Variants in LTBP1 observed in about 807,000 individuals in gnomAD.
LTBP1 encodes latent transforming growth factor beta binding protein 1, also known as latent-transforming growth factor beta-binding protein 1.
LTBP1 carries 129 observed loss-of-function variants against 207.6 expected under a neutral mutation model. The ratio of observed to expected loss-of-function variants is 0.62; its 90% CI spans 0.54 to 0.72. The LOEUF (loss-of-function observed/expected upper bound fraction) is 0.72. LTBP1 is among the 30% of genes least tolerant of loss of function. The pLI, the probability that LTBP1 is intolerant of heterozygous loss-of-function variation, is 0.00. For synonymous variants in LTBP1, 963 were observed against 833.7 expected, an observed-to-expected ratio of 1.16 and a Z score of -2.67; for missense variants, 2,281 against 2,217.2, an observed-to-expected ratio of 1.03 and a Z score of -0.58.
intron 3 of LTBP1, among the ~76,000 whole-genome samples, chr2:33,025,399 C>G (rs2075368747): frequency 6.6e-6 from 1 of 152,116 alleles, no homozygotes; most frequent in African/African-American, 2.4e-5. Context: ...AACCAAGCTA[C>G]TGACTAAGAT....
chr2:33,061,156 G>A (rs1286324350), intron 3 of LTBP1, among the ~76,000 whole-genome samples: 1 of 151,996 alleles, frequency 6.6e-6, no homozygotes, highest in Non-Finnish European at 1.5e-5. Flanking sequence ...AATATGGTGG[G>A]TTTTAAAAAT....
intron 4 of LTBP1, among the ~76,000 whole-genome samples, chr2:33,133,862 C>T (rs942435647): frequency 6.6e-6 from 1 of 152,176 alleles, no homozygotes; most frequent in Non-Finnish European, 1.5e-5. Flanking sequence ...AATGGCATGT[C>T]CGGAGTCACA....
intron 20 of LTBP1, among the ~76,000 whole-genome samples, chr2:33,298,537 G>T (rs760644527): frequency 1.3e-5 from 2 of 152,218 alleles, no homozygotes; most frequent in Admixed American, 6.5e-5. Context: ...TTGGTCTTCA[G>T]TTCGTGAACT....
At chr2:33,382,877 T>G (rs2095231971) in intron 31 of LTBP1, among the ~76,000 whole-genome samples, 1 of 152,158 alleles carries the variant, frequency 6.6e-6, no homozygotes, top group African/African-American at 2.4e-5. Flanking sequence ...CCAGAGACTG[T>G]AAGCAGTAAT....
At chr2:33,320,770 A>G (rs756030157) in intron 24 of LTBP1, among the ~76,000 whole-genome samples, 2 of 152,222 alleles carry the variant, frequency 1.3e-5, no homozygotes, top group African/African-American at 2.4e-5. Context: ...TTTGGATGAT[A>G]ATGATGTAAG....
At chr2:33,231,155 A>G (rs1254306427) in intron 9 of LTBP1, among the ~76,000 whole-genome samples, 1 of 152,170 alleles carries the variant, frequency 6.6e-6, no homozygotes, top group Non-Finnish European at 1.5e-5. Context: ...GCAGGATGCA[A>G]TGTGCTTTAT....
At chr2:33,144,578 A>G (rs549919303) in intron 5 of LTBP1, among the ~76,000 whole-genome samples, 3 of 152,356 alleles carry the variant, frequency 2.0e-5, no homozygotes, top group Admixed American at 1.3e-4. Flanking sequence ...ATGTATGATT[A>G]TAACATTTGA....
chr2:33,195,028 T>C (rs1573099390), intron 7 of LTBP1, among the ~76,000 whole-genome samples: 1 of 152,360 alleles, frequency 6.6e-6, no homozygotes, highest in African/African-American at 2.4e-5. Context: ...CCGAAGGTTT[T>C]AAGACCACTA....
intron 31 of LTBP1, among the ~76,000 whole-genome samples, chr2:33,371,056 A>G (rs144261993): frequency 1.3e-5 from 2 of 152,286 alleles, no homozygotes; most frequent in East Asian, 3.9e-4. Flanking sequence ...CATCTTGCAT[A>G]TTGGTACCAC....
intron 25 of LTBP1, among the ~76,000 whole-genome samples, chr2:33,346,934 G>A (rs906413252): frequency 3.3e-5 from 5 of 152,000 alleles, no homozygotes; most frequent in African/African-American, 1.2e-4. Flanking sequence ...GCCTAACACG[G>A]TGGAACCCCG....
chr2:32,991,605 T>C (rs554655783), intron 2 of LTBP1, among the ~76,000 whole-genome samples: 2 of 152,328 alleles, frequency 1.3e-5, no homozygotes, highest in African/African-American at 4.8e-5. Context: ...TTAAGTGACA[T>C]GGGTAAAGTT....
chr2:33,260,550 G>C (rs114687479), intron 13 of LTBP1, among the ~76,000 whole-genome samples: 434 of 152,132 alleles, frequency 2.9e-3, no homozygotes, highest in African/African-American at 9.5e-3. Flanking sequence ...TATAATTATG[G>C]GATAGAGTAA....
intron 10 of LTBP1, among the ~76,000 whole-genome samples, chr2:33,251,236 A>T (rs1196506042): frequency 1.3e-5 from 2 of 152,114 alleles, no homozygotes; most frequent in East Asian, 3.9e-4. Context: ...CAGAGACACC[A>T]CTGATGCTAT....
intron 3 of LTBP1, among the ~76,000 whole-genome samples, chr2:33,109,599 T>C (rs2080273168): frequency 6.6e-6 from 1 of 152,212 alleles, no homozygotes; most frequent in African/African-American, 2.4e-5. Context: ...TAGCACATAG[T>C]AATCATGTTC....
At chr2:33,326,753 G>A (rs1002984112) in intron 24 of LTBP1, among the ~76,000 whole-genome samples, 3 of 151,848 alleles carry the variant, frequency 2.0e-5, no homozygotes, top group African/African-American at 7.3e-5. Flanking sequence ...CCGCCTCCTG[G>A]GTTCAAGCGA....
At chr2:33,205,066 A>G (rs1051754021) in intron 7 of LTBP1, among the ~76,000 whole-genome samples, 2 of 152,196 alleles carry the variant, frequency 1.3e-5, no homozygotes, top group African/African-American at 4.8e-5. Flanking sequence ...CTTTTCTGCA[A>G]TCTTAGACAC....
rs779501917 is a variant in LTBP1, at chr2:33,365,296, CTG to C, written c.4541-34_4541-33del. 137 of 1,587,016 alleles carry C rather than the reference CTG, an allele frequency of 8.6e-5. No individual in the cohort carries two copies. In the African/African-American group the frequency reaches 1.6e-3, roughly 19 times the overall value. ...ACACAGTGTTTATAAATAGGAATAA[CTG>C]TGCGATTTTCATGGAACTATGTCTT... On this transcript the variant is annotated intron_variant, in intron 30 of 33. Coordinates refer to ENST00000404816, the MANE Select transcript of LTBP1 (RefSeq NM_206943.4).
intron 7 of LTBP1, among the ~76,000 whole-genome samples, chr2:33,195,434 A>C (rs1341344489): frequency 6.6e-6 from 1 of 152,226 alleles, no homozygotes; most frequent in Non-Finnish European, 1.5e-5. Context: ...TCCCACCCTT[A>C]TGGATGACTT....
In LTBP1 at chr2:33,188,691, C is replaced by T; in HGVS notation, c.1541C>T (p.Ala514Val). ...DGPTGQKTKEAQPGQSQVSYQ... is the reference protein window; with the variant it reads ...DGPTGQKTKEVQPGQSQVSYQ... The stretch of plus-strand genomic sequence containing the variant: ...CCAACAGGCCAGAAGACAAAAGAAG[C>T]TCAACCAGGCCAATCCCAAGTCTCG... Residue 514 changes from alanine to valine, a missense_variant, in exon 7 of 34, where the codon GCT (alanine) becomes GTT (valine). Ala to Val is a moderately conservative substitution (Grantham distance 64). This residue lies in a region of LTBP1 where 1,671 missense variants were observed against 1,634.8 expected (regional missense o/e 1.02). Coordinates refer to ENST00000404816, the MANE Select transcript of LTBP1 (RefSeq NM_206943.4). 6.2e-7 allele frequency: 1 copy of T among 1,614,144 alleles called. No homozygotes were observed. The highest frequency in any genetic ancestry group is 1.1e-5 in the South Asian group (1 of 91,082).
Sources: gnomAD v4.1 joint callset for allele counts (sites outside exome capture counted in the v4.1 genomes callset) on GRCh38, gnomAD v4.1.1 for gene constraint, gnomAD v4.1.1 regional missense constraint, MANE v1.5 for transcripts, NCBI Gene and HGNC (gene_info 2026-07-23, HGNC 2026-07-21) for gene names.